Variants in COL14A1 observed in about 807,000 individuals in gnomAD.
COL14A1 encodes the protein collagen alpha-1(XIV) chain.
In COL14A1, 136 loss-of-function variants were observed where a neutral mutation model predicts 230.3. The ratio of observed to expected loss-of-function variants is 0.59; its 90% CI spans 0.51 to 0.68. The LOEUF (loss-of-function observed/expected upper bound fraction) is 0.68, where lower values mean the gene tolerates loss of function less well. COL14A1 is among the 30% of genes least tolerant of loss of function. The pLI is 0.00. For missense variants in COL14A1, 1,976 were observed against 2,215.8 expected, an observed-to-expected ratio of 0.89 and a Z score of 2.17; for synonymous variants, 792 against 784.1, an observed-to-expected ratio of 1.01 and a Z score of -0.17.
At chr8:120,174,296 T>C (rs917776740) in intron 5 of COL14A1, among the ~76,000 whole-genome samples, 9 of 151,570 alleles carry the variant, frequency 5.9e-5, no homozygotes, top group Admixed American at 5.9e-4. Flanking sequence ...GCTTAAACAA[T>C]GGTGTTTAAG....
intron 3 of COL14A1, among the ~76,000 whole-genome samples, chr8:120,160,193 T>A (rs1393717799): frequency 6.6e-6 from 1 of 152,132 alleles, no homozygotes; most frequent in African/African-American, 2.4e-5. Flanking sequence ...AAAATATAGC[T>A]TATTTTTTTA....
intron 24 of COL14A1, among the ~76,000 whole-genome samples, chr8:120,263,521 A>T (rs2129773414): frequency 6.6e-6 from 1 of 152,332 alleles, no homozygotes; most frequent in South Asian, 2.1e-4. Flanking sequence ...AAAGTATAAA[A>T]TTAAAACAAA....
rs141401350 is a variant in COL14A1 at position 120,208,590 on chromosome 8, C to A, written c.1321+229C>A. Among the ~76,000 whole-genome samples, 82 of 152,146 alleles carry A rather than the reference C, an allele frequency of 5.4e-4. No homozygotes were observed. The East Asian group carries it at 0.015, about 28-fold the overall frequency. ...TATAAATCTCTGATAGGTTTAAGAGCAATCTTGGTGGTGAAGAGTACAAAA... is the reference window on the plus strand; with the variant it reads ...TATAAATCTCTGATAGGTTTAAGAGAAATCTTGGTGGTGAAGAGTACAAAA... On this transcript the variant is annotated intron_variant, in intron 11 of 47. Transcript: ENST00000297848.
intron 4 of COL14A1, among the ~76,000 whole-genome samples, chr8:120,166,083 C>A (rs1276217498): frequency 6.6e-6 from 1 of 152,036 alleles, no homozygotes; most frequent in Admixed American, 6.6e-5. Context: ...GTGTGCAGCT[C>A]TCCCATAGAG....
intron 6 of COL14A1, 121 bp from the exon 7 acceptor site, chr8:120,197,690 C>A (rs1817084317): frequency 2.1e-6 from 2 of 963,980 alleles, no homozygotes. Flanking sequence ...AATTTATAGC[C>A]AGGCCAAAAT....
At chr8:120,301,019 C>A (rs1335040174) in intron 36 of COL14A1, among the ~76,000 whole-genome samples, 1 of 152,070 alleles carries the variant, frequency 6.6e-6, no homozygotes, top group Non-Finnish European at 1.5e-5. Context: ...ATCCAAGTCT[C>A]CATGACTCCT....
At chr8:120,189,012 A>AGAGTAAT (rs1816732114) in intron 5 of COL14A1, among the ~76,000 whole-genome samples, 1 of 152,200 alleles carries the variant, frequency 6.6e-6, no homozygotes, top group African/African-American at 2.4e-5. Context: ...TTGCCAGTGG[A>AGAGTAAT]GAGTAATGTT....
intron 10 of COL14A1, 124 bp from the exon 11 acceptor site, chr8:120,208,108 G>A (rs1201056828): frequency 7.7e-6 from 7 of 913,634 alleles, no homozygotes; most frequent in East Asian, 5.4e-5. Context: ...GTGGAAAGGG[G>A]GATGTGGCAC....
At chr8:120,214,911 G>C (rs186505778) in intron 13 of COL14A1, among the ~76,000 whole-genome samples, 4 of 152,184 alleles carry the variant, frequency 2.6e-5, no homozygotes, top group African/African-American at 9.7e-5. Context: ...CTGGCTATGC[G>C]TATATCTAGG....
intron 20 of COL14A1, among the ~76,000 whole-genome samples, chr8:120,244,865 T>C (rs1818715893): frequency 6.6e-6 from 1 of 152,172 alleles, no homozygotes; most frequent in Non-Finnish European, 1.5e-5. Context: ...CACCTCTGTT[T>C]TAGGCCTCCC....
At chr8:120,225,451 A>T (rs1344727966) in intron 15 of COL14A1, among the ~76,000 whole-genome samples, 1 of 152,126 alleles carries the variant, frequency 6.6e-6, no homozygotes, top group African/African-American at 2.4e-5. Flanking sequence ...GTCTGTTTTT[A>T]AAAAAATGTA....
intron 1 of COL14A1, among the ~76,000 whole-genome samples, chr8:120,128,592 G>A (rs1009324095): frequency 6.6e-6 from 1 of 152,122 alleles, no homozygotes; most frequent in Non-Finnish European, 1.5e-5. Flanking sequence ...AAGATTAGCT[G>A]GGCGTGGTGG....
At chr8:120,212,721 G>A (rs1817648925) in intron 13 of COL14A1, 144 bp downstream of exon 13, 6 of 859,668 alleles carry the variant, frequency 7.0e-6, no homozygotes, top group Admixed American at 2.9e-5. Flanking sequence ...TTAGGGCAAG[G>A]AAATGTATTT....
chr8:120,334,702 C>T (rs961835764), intron 42 of COL14A1, among the ~76,000 whole-genome samples: 1 of 151,942 alleles, frequency 6.6e-6, no homozygotes, highest in Non-Finnish European at 1.5e-5. Context: ...TAAAAACATA[C>T]TGTCTGGTAT....
In COL14A1 at chr8:120,216,394, C is replaced by G; in HGVS notation, c.1641C>G (p.Gly547=). The G allele has an allele frequency of 6.2e-7, 1 of 1,613,648 alleles. No homozygotes were observed. Among genetic ancestry groups the G allele is most frequent in the Non-Finnish European group, 8.5e-7 (1 of 1,179,802 alleles). Residue 547 remains glycine (G), a synonymous_variant, in exon 14 of 48, where the codon GGC becomes GGG. Coordinates refer to ENST00000297848, the MANE Select transcript of COL14A1 (RefSeq NM_021110.4). The part of the protein sequence containing the change: ...PPRNLRISNV[G]SNSARLTWDP... ...GAAACCTGAGAATCTCCAATGTTGG[C>G]TCTAACAGTGCTCGATTAACCTGGG... is the stretch of plus-strand genomic sequence containing the variant.
intron 1 of COL14A1, among the ~76,000 whole-genome samples, chr8:120,137,010 G>T (rs1247279279): frequency 6.8e-6 from 1 of 146,136 alleles, no homozygotes; most frequent in East Asian, 2.0e-4. Flanking sequence ...CTTCACCTGT[G>T]CTTTCAGGAA....
chr8:120,273,721 C>A (rs1819747002), intron 26 of COL14A1, among the ~76,000 whole-genome samples: 1 of 151,366 alleles, frequency 6.6e-6, no homozygotes, highest in Non-Finnish European at 1.5e-5. Context: ...GAAACAACAA[C>A]CCCCCTAGAT....
chr8:120,172,910 G>T (rs1816142071), intron 5 of COL14A1, among the ~76,000 whole-genome samples: 1 of 152,142 alleles, frequency 6.6e-6, no homozygotes, highest in Non-Finnish European at 1.5e-5. Context: ...TAAATTTCTG[G>T]TTAAGGTGAA....
chr8:120,134,102 G>A (rs987693650), intron 1 of COL14A1, among the ~76,000 whole-genome samples: 1 of 151,812 alleles, frequency 6.6e-6, no homozygotes, highest in African/African-American at 2.4e-5. Flanking sequence ...GAAGATGACT[G>A]GCTTGAATAA....
Sources: gnomAD v4.1 joint callset for allele counts (sites outside exome capture counted in the v4.1 genomes callset) on GRCh38, gnomAD v4.1.1 for gene constraint, MANE v1.5 for transcripts, NCBI Gene and HGNC (gene_info 2026-07-23, HGNC 2026-07-21) for gene names.